NR3C1: variants seen among roughly 807,000 people sequenced by gnomAD.
NR3C1 encodes the protein glucocorticoid receptor.
NR3C1 carries 14 observed loss-of-function variants against 74.0 expected under a neutral mutation model. The ratio of observed to expected loss-of-function variants is 0.19; its 90% CI spans 0.12 to 0.30. The LOEUF is 0.30. NR3C1 is among the 10% of genes least tolerant of loss of function. The pLI, the probability that NR3C1 is intolerant of heterozygous loss-of-function variation, is 1.00. For missense variants in NR3C1, 695 were observed against 909.8 expected (o/e 0.76, Z 3.04); for synonymous variants, 308 against 332.5 (o/e 0.93, Z 0.80).
chr5:143,369,023 A>G (rs543827358), intron 2 of NR3C1, among the ~76,000 whole-genome samples: 3 of 152,148 alleles, frequency 2.0e-5, no homozygotes, highest in Non-Finnish European at 4.4e-5. Context: ...CCATTAGTAC[A>G]TTAACTCATG....
At chr5:143,317,347 G>T (rs1822358171) in intron 2 of NR3C1, among the ~76,000 whole-genome samples, 1 of 152,094 alleles carries the variant, frequency 6.6e-6, no homozygotes, top group African/African-American at 2.4e-5. Context: ...CCTTTGAATG[G>T]GAAAGCTAAA....
intron 2 of NR3C1, among the ~76,000 whole-genome samples, chr5:143,375,153 G>T (rs1014015096): frequency 1.3e-5 from 2 of 152,168 alleles, no homozygotes; most frequent in Admixed American, 1.3e-4. Flanking sequence ...TTAAATGGAA[G>T]TTTTCGGGAA....
intron 3 of NR3C1, among the ~76,000 whole-genome samples, chr5:143,311,502 T>C (rs957048833): frequency 6.6e-6 from 1 of 152,218 alleles, no homozygotes; most frequent in Admixed American, 6.5e-5. Flanking sequence ...CCCTTTGTGG[T>C]TATTAGCATG....
At chr5:143,333,112 T>C in intron 2 of NR3C1, 1 of 1,593,726 alleles carries the variant, frequency 6.3e-7, no homozygotes, top group Non-Finnish European at 8.5e-7. Flanking sequence ...ATCTCATGGT[T>C]CTTGCGCCCT....
intron 2 of NR3C1, among the ~76,000 whole-genome samples, chr5:143,398,884 C>T (rs1452794690): frequency 6.6e-6 from 1 of 152,036 alleles, no homozygotes; most frequent in Non-Finnish European, 1.5e-5. Flanking sequence ...AAAAATCAAA[C>T]GAAAGCTGAA....
At chr5:143,342,899 C>T (rs1473823561) in intron 2 of NR3C1, among the ~76,000 whole-genome samples, 2 of 152,064 alleles carry the variant, frequency 1.3e-5, no homozygotes, top group Non-Finnish European at 2.9e-5. Flanking sequence ...TTGCTACGAG[C>T]TGGAAAGGTA....
At chr5:143,341,397 A>G (rs551033763) in intron 2 of NR3C1, among the ~76,000 whole-genome samples, 66 of 152,366 alleles carry the variant, frequency 4.3e-4, no homozygotes, top group African/African-American at 1.5e-3. Context: ...AGTTATTAGA[A>G]CAATGGTGAT....
rs758266603 is a variant in NR3C1 at position 143,399,900 on chromosome 5, T to C, written c.940A>G (p.Asn314Asp). ...TGAACAGAAATGGCAGACATTTTAT[T>C]ACCAATTATATTTGCTCCAGGAAAG... ...ASFPGANIIG[N>D]KMSAISVHGV... The change falls in exon 2 of 9, where the codon AAT becomes GAT. Residue 314 changes from asparagine (N) to aspartate (D), a missense_variant. Asn to Asp is a conservative substitution (Grantham distance 23). Transcript: ENST00000394464. The C allele has an allele frequency of 6.8e-6, 11 of 1,614,178 alleles. No homozygotes were observed. The South Asian group carries it at 1.2e-4, about 18-fold the overall frequency.
intron 2 of NR3C1, among the ~76,000 whole-genome samples, chr5:143,325,418 C>T (rs566040549): frequency 6.6e-6 from 1 of 152,280 alleles, no homozygotes; most frequent in African/African-American, 2.4e-5. Context: ...TGGGTCCCTC[C>T]CACAACACAT....
At chr5:143,366,676 C>T (rs1028860555) in intron 2 of NR3C1, among the ~76,000 whole-genome samples, 3 of 152,042 alleles carry the variant, frequency 2.0e-5, no homozygotes, top group African/African-American at 7.2e-5. Context: ...TAAAGGAATA[C>T]TATGAATAAT....
intron 2 of NR3C1, among the ~76,000 whole-genome samples, chr5:143,346,030 G>A (rs565896883): frequency 1.3e-5 from 2 of 152,266 alleles, no homozygotes; most frequent in African/African-American, 4.8e-5. Flanking sequence ...ATTCCAGATG[G>A]CAGGCTCTTC....
At chr5:143,339,648 G>C (rs750371405) in intron 2 of NR3C1, among the ~76,000 whole-genome samples, 5 of 152,258 alleles carry the variant, frequency 3.3e-5, no homozygotes, top group Middle Eastern at 3.4e-3. Flanking sequence ...TGTTTGTTCT[G>C]ATCTCTGTCC....
intron 1 of NR3C1, among the ~76,000 whole-genome samples, chr5:143,416,163 A>G (rs1268315541): frequency 6.6e-6 from 1 of 152,168 alleles, no homozygotes; most frequent in Non-Finnish European, 1.5e-5. Flanking sequence ...TTACTTGCCA[A>G]GTATCCCCTC....
chr5:143,377,278 C>T (rs1291504815), intron 2 of NR3C1, among the ~76,000 whole-genome samples: 2 of 152,120 alleles, frequency 1.3e-5, no homozygotes, highest in African/African-American at 4.8e-5. Context: ...TCCCCTCCCC[C>T]CACACAAAAA....
upstream of NR3C1, chr5:143,405,015 G>A (rs1034082590): frequency 8.3e-6 from 5 of 603,194 alleles, no homozygotes; most frequent in African/African-American, 6.0e-5. Context: ...AAGGGGAAGG[G>A]AACTCGTGGT....
chr5:143,314,499 ACTGTTTT>A (rs1486391918), intron 2 of NR3C1, among the ~76,000 whole-genome samples: 2 of 148,660 alleles, frequency 1.3e-5, no homozygotes, highest in Non-Finnish European at 1.5e-5. Context: ...AGTAACATTT[ACTGTTTT>A]CTAAGTCTAT....
In NR3C1 at chr5:143,279,348, A is replaced by G. The variant is rs1226508705; in HGVS notation, c.*2541T>C. The G allele has an allele frequency of 1.0e-5, 16 of 1,549,994 alleles. No individual in the cohort carries two copies. Among genetic ancestry groups the G allele is most frequent in the Non-Finnish European group, 1.4e-5 (16 of 1,147,646 alleles). On this transcript the variant is annotated 3_prime_UTR_variant, in exon 9 of 9. Transcript: ENST00000394464. ...TGAGTTCTATTTTTTGAGCGCCAAG[A>G]TTGTTGGGATGAAAATCAGATTAAT...
In NR3C1 at chr5:143,279,095, G is replaced by C; in HGVS notation, c.*2794C>G. The C allele has an allele frequency of 2.3e-6, 1 of 431,328 alleles. No individual in the cohort carries two copies. The allele number at this position is 431,328 out of a possible 1,614,324, so 26.7% of individuals were successfully genotyped here. A position where few individuals can be genotyped will look rare whatever the true frequency, so the allele number is the denominator to read the frequency against. ...CTACAAACTTCAACAGTTTGGGTTG[G>C]GATGGCCAGATAACACATACATAGG... is the stretch of plus-strand genomic sequence containing the variant. On this transcript the variant is annotated 3_prime_UTR_variant, in exon 9 of 9. Coordinates refer to ENST00000394464, the MANE Select transcript of NR3C1 (RefSeq NM_000176.3).
chr5:143,334,505 T>C (rs533377232), intron 2 of NR3C1, among the ~76,000 whole-genome samples: 2 of 152,248 alleles, frequency 1.3e-5, no homozygotes, highest in East Asian at 1.9e-4. Flanking sequence ...GCACATTCCA[T>C]GGAGGAAGGA....
Sources: allele counts gnomAD v4.1 joint callset (sites outside exome capture counted in the v4.1 genomes callset), GRCh38; gene constraint gnomAD v4.1.1; transcripts MANE v1.5; gene names NCBI Gene and HGNC (gene_info 2026-07-23, HGNC 2026-07-21).